Variants in SYT8 observed in about 807,000 individuals in gnomAD.
SYT8 encodes synaptotagmin 8.
SYT8 carries 50 observed loss-of-function variants against 34.9 expected under a neutral mutation model. The ratio of observed to expected loss-of-function variants is 1.43; its 90% confidence interval spans 1.14 to 1.81. The LOEUF is 1.81. SYT8 is among the 40% of genes most tolerant of loss of function. The probability of loss-of-function intolerance (pLI) is 0.00; values close to 1 mark genes in which losing one functional copy is unlikely to be tolerated. For missense variants in SYT8, 595 were observed against 529.0 expected (o/e 1.12, Z -1.22); for synonymous variants, 255 against 234.2 (o/e 1.09, Z -0.81).
intron 2 of SYT8, chr11:1,835,678 T>C (rs1337993455): frequency 5.4e-6 from 4 of 738,496 alleles, no homozygotes; most frequent in African/African-American, 3.6e-5. Flanking sequence ...CAGCGGGTTC[T>C]TGAGGAAGGC....
rs1220505020 is a variant in SYT8, at chr11:1,837,278, C to T, written c.1011C>T (p.Ala337=). 6.3e-7 allele frequency: 1 copy of T among 1,586,534 alleles called. No individual in the cohort carries two copies. Among genetic ancestry groups the T allele is most frequent in the African/African-American group, 1.3e-5 (1 of 74,662 alleles). The change falls in exon 8 of 8, where the codon GCC becomes GCT. Residue 337 remains alanine (A), a synonymous_variant. Coordinates refer to ENST00000341958, the MANE Select transcript of SYT8 (RefSeq NM_001394072.1). ...GCAAGGTGCACCTGGGTGCCCGGGCCTCGGGGCAGCCCCTGCAGCACTGGG... is the reference window on the plus strand; with the variant it reads ...GCAAGGTGCACCTGGGTGCCCGGGCTTCGGGGCAGCCCCTGCAGCACTGGG... The part of the protein sequence containing the change: ...PVGKVHLGAR[A]SGQPLQHWAD...
At chr11:1,834,733 G>A, upstream of SYT8, 1 of 984,988 alleles carries the variant, frequency 1.0e-6, no homozygotes, top group Non-Finnish European at 1.5e-6. This position sits in a 1 kb window ranked among gnomAD's most constrained non-coding sequence, Gnocchi z 4.5. Flanking sequence ...GAGAAGCAGG[G>A]AGGGAGAGAG....
chr11:1,835,949 C>T lies in SYT8; in HGVS notation c.322C>T (p.Gln108Ter), dbSNP rs1482486944. The change falls in exon 3 of 8, where the codon CAG becomes TAG. Residue 108 changes from glutamine (Q) to a stop codon, truncating the protein, a stop_gained. Transcript: ENST00000341958. LOFTEE classifies it high-confidence loss of function. ...GGATGCTCAGCAATGGGGGTGCCTG[C>T]AGCTCTCCCTGGAGTTCGACTTTGG... The part of the protein sequence containing the change: ...PGDAQQWGCL[Q>*]LSLEFDFGSQ... The T allele has an allele frequency of 2.5e-6, 4 of 1,608,286 alleles. No individual in the cohort carries two copies. Among genetic ancestry groups the T allele is most frequent in the South Asian group, 1.1e-5 (1 of 90,368 alleles).
Position 1,836,250 on chromosome 11 carries a change from T to G in SYT8, c.482T>G (p.Leu161Arg), listed in dbSNP as rs143938340. Residue 161 changes from leucine to arginine, a missense_variant, in exon 4 of 8, where the codon CTC (leucine) becomes CGC (arginine). Coordinates refer to ENST00000341958, the MANE Select transcript of SYT8 (RefSeq NM_001394072.1). ...RHETKVHRGTLCPVFDETCCF... is the reference protein window; with the variant it reads ...RHETKVHRGTRCPVFDETCCF... ...GAGACAAAAGTGCACCGAGGCACGCTCTGCCCCGTGTTTGACGAGACCTGC... is the reference window on the plus strand; with the variant it reads ...GAGACAAAAGTGCACCGAGGCACGCGCTGCCCCGTGTTTGACGAGACCTGC... 113 of 1,581,040 alleles carry G rather than the reference T, an allele frequency of 7.1e-5. 1 individual carries two copies. The African/African-American group carries it at 8.9e-4, about 13-fold the overall frequency.
In SYT8 at chr11:1,837,270, G is replaced by T; in HGVS notation, c.1003G>T (p.Ala335Ser). 2 of 1,585,902 alleles carry T rather than the reference G, an allele frequency of 1.3e-6. No homozygotes were observed. Among genetic ancestry groups the T allele is most frequent in the South Asian group, 1.1e-5 (1 of 88,798 alleles). ...TEPVGKVHLG[A>S]RASGQPLQHW... ...GCCCGTAGGCAAGGTGCACCTGGGT[G>T]CCCGGGCCTCGGGGCAGCCCCTGCA... The change falls in exon 8 of 8, where the codon GCC (alanine) becomes TCC (serine). Residue 335 changes from alanine to serine, a missense_variant. By Grantham distance (99) the Ala-to-Ser change is moderately conservative. Coordinates refer to ENST00000341958, the MANE Select transcript of SYT8 (RefSeq NM_001394072.1).
At chr11:1,834,845 TG>T, upstream of SYT8, 2 of 630,636 alleles carry the variant, frequency 3.2e-6, no homozygotes, top group Non-Finnish European at 2.8e-6. The surrounding 1 kb of genome is among the most constrained non-coding windows in gnomAD (Gnocchi z 4.5). Flanking sequence ...TGGCTGGGGC[TG>T]GGGGCTGCTG....
chr11:1,832,788 G>C (rs1441063539), upstream of SYT8, among the ~76,000 whole-genome samples: 1 of 152,166 alleles, frequency 6.6e-6, no homozygotes, highest in Non-Finnish European at 1.5e-5. Flanking sequence ...CTCCTCTGGG[G>C]ACAAGGTCAC....
upstream of SYT8, among the ~76,000 whole-genome samples, chr11:1,832,578 G>A (rs1023652652): frequency 1.3e-5 from 2 of 152,160 alleles, no homozygotes; most frequent in African/African-American, 2.4e-5. Flanking sequence ...CACTGTCCCC[G>A]GGAGCCATGA....
Position 1,836,556 on chromosome 11 carries a change from G to A in SYT8, c.648G>A (p.Glu216=), listed in dbSNP as rs1265661515. 4 of 1,612,444 alleles carry A rather than the reference G, an allele frequency of 2.5e-6. No homozygotes were observed. Among genetic ancestry groups the A allele is most frequent in the Non-Finnish European group, 3.4e-6 (4 of 1,179,880 alleles). The change falls in exon 5 of 8, where the codon GAG becomes GAA. Residue 216 remains glutamate (E), a synonymous_variant. Coordinates refer to ENST00000341958, the MANE Select transcript of SYT8 (RefSeq NM_001394072.1). ...CCGTGGATCTGCAGCATGTTCTGGAGCACTGGTACCTGCTGGGCCCGCCGG... is the reference window on the plus strand; with the variant it reads ...CCGTGGATCTGCAGCATGTTCTGGAACACTGGTACCTGCTGGGCCCGCCGG... ...LGTVDLQHVL[E]HWYLLGPPAA...
At position 1,836,574 on chromosome 11, in the gene SYT8, C is replaced by A. The variant is rs765283878; in HGVS notation, c.666C>A (p.Gly222=). 1.2e-6 allele frequency: 2 copies of A among 1,611,276 alleles called. No individual in the cohort carries two copies. Among genetic ancestry groups the A allele is most frequent in the South Asian group, 1.1e-5 (1 of 90,950 alleles). The part of the protein sequence containing the change: ...QHVLEHWYLL[G]PPAATQPEQV... The stretch of plus-strand genomic sequence containing the variant: ...TTCTGGAGCACTGGTACCTGCTGGG[C>A]CCGCCGGCTGCCACTCAGGTGAGGT... Residue 222 remains glycine (G), a synonymous_variant, in exon 5 of 8, where the codon GGC becomes GGA. Transcript: ENST00000341958.
upstream of SYT8, chr11:1,834,508 G>A (rs980858836): frequency 8.1e-6 from 12 of 1,478,038 alleles, no homozygotes; most frequent in Admixed American, 2.0e-4. The surrounding 1 kb of genome is among the most constrained non-coding windows in gnomAD (Gnocchi z 4.5). Flanking sequence ...AGCCAGCCCT[G>A]CTCCTCCCGC....
At position 1,836,205 on chromosome 11, in the gene SYT8, C is replaced by T; in HGVS notation, c.437C>T (p.Thr146Ile). Residue 146 changes from threonine to isoleucine, a missense_variant, in exon 4 of 8, where the codon ACC becomes ATC. By Grantham distance (89) the Thr-to-Ile change is moderately conservative. Coordinates refer to ENST00000341958, the MANE Select transcript of SYT8 (RefSeq NM_001394072.1). ...CCCTATGCCCGGGTCAGCGTCTCCA[C>T]CCAGGCCGGACACAGACATGAGACA... ...VDPYARVSVS[T>I]QAGHRHETKV... 6.3e-7 allele frequency: 1 copy of T among 1,588,362 alleles called. No homozygotes were observed. Among genetic ancestry groups the T allele is most frequent in the South Asian group, 1.1e-5 (1 of 87,434 alleles).
Position 1,835,426 on chromosome 11 carries a change from G to T in SYT8, c.225G>T (p.Leu75=). The change falls in exon 2 of 8, where the codon CTG becomes CTT. Residue 75 remains leucine, a synonymous_variant. Coordinates refer to ENST00000341958, the MANE Select transcript of SYT8 (RefSeq NM_001394072.1). ...KKPRDKESVG[L]GSARGTTTTH... The stretch of plus-strand genomic sequence containing the variant: ...CCAGGGACAAGGAGTCCGTGGGTCT[G>T]GGCAGTGCCCGCGGCACCACCACCA... 6.2e-7 allele frequency: 1 copy of T among 1,609,786 alleles called. No homozygotes were observed.
chr11:1,836,725 C>G (rs1308478620), intron 5 of SYT8, 31 bp from the exon 6 acceptor site: 2 of 1,603,410 alleles, frequency 1.2e-6, no homozygotes, highest in Non-Finnish European at 8.5e-7. Context: ...GAATCACCCT[C>G]CCGGGCTGAA....
At chr11:1,835,784 C>CG in intron 2 of SYT8, 102 bp from the exon 3 acceptor site, 5 of 1,038,764 alleles carry the variant, frequency 4.8e-6, no homozygotes, top group Non-Finnish European at 7.3e-6. Context: ...GGCCTGGAGG[C>CG]GGGGGGTCTT....
rs746767200 is a variant in SYT8 at position 1,837,026 on chromosome 11, A to C, written c.860A>C (p.Lys287Thr). 7 of 1,613,758 alleles carry C rather than the reference A, an allele frequency of 4.3e-6. No homozygotes were observed. In the African/African-American group the frequency reaches 9.3e-5, roughly 22 times the overall value. ...KWKKRKTATK[K>T]GTAAPYFNEA... The stretch of plus-strand genomic sequence containing the variant: ...AAGAAGAGAAAGACAGCCACCAAAA[A>C]GGGCACGGCGGCCCCCTACTTCAAT... The change falls in exon 7 of 8, where the codon AAG becomes ACG. Residue 287 changes from lysine to threonine, a missense_variant. Transcript: ENST00000341958.
In SYT8 at chr11:1,836,558, A is replaced by T. The variant is rs760806168; in HGVS notation, c.650A>T (p.His217Leu). ...GTVDLQHVLE[H>L]WYLLGPPAAT... The stretch of plus-strand genomic sequence containing the variant: ...GTGGATCTGCAGCATGTTCTGGAGC[A>T]CTGGTACCTGCTGGGCCCGCCGGCT... The change falls in exon 5 of 8, where the codon CAC becomes CTC. Residue 217 changes from histidine to leucine, a missense_variant. Coordinates refer to ENST00000341958, the MANE Select transcript of SYT8 (RefSeq NM_001394072.1). The T allele has an allele frequency of 3.1e-6, 5 of 1,612,458 alleles. No homozygotes were observed. In the South Asian group the frequency reaches 5.5e-5, roughly 18 times the overall value.
chr11:1,834,757 G>A (rs936790454), upstream of SYT8: 5 of 840,248 alleles, frequency 6.0e-6, no homozygotes, highest in African/African-American at 8.6e-5. The surrounding 1 kb of genome is among the most constrained non-coding windows in gnomAD (Gnocchi z 4.5). Flanking sequence ...CCTGGTGGAG[G>A]ACGCATCCTA....
At chr11:1,834,706 G>A (rs1267166808), upstream of SYT8, 3 of 1,247,346 alleles carry the variant, frequency 2.4e-6, no homozygotes, top group African/African-American at 1.5e-5. The surrounding 1 kb of genome is among the most constrained non-coding windows in gnomAD (Gnocchi z 4.5). Context: ...AGGGCCCAGG[G>A]TCCAGGGCCC....
Sources: gnomAD v4.1 joint callset for allele counts (sites outside exome capture counted in the v4.1 genomes callset) on GRCh38, gnomAD v4.1.1 for gene constraint, Gnocchi (gnomAD v3.1) non-coding constraint, MANE v1.5 for transcripts, NCBI Gene and HGNC (gene_info 2026-07-23, HGNC 2026-07-21) for gene names.